KCNIP4: variants seen among roughly 807,000 people sequenced by gnomAD.
KCNIP4 encodes the protein Kv channel-interacting protein 4.
In KCNIP4, 12 loss-of-function variants were observed where a neutral mutation model predicts 34.0. The observed-to-expected ratio is 0.35, with a 90% CI of 0.23 to 0.57. KCNIP4 has a LOEUF of 0.57. Among genes scored for constraint, KCNIP4 ranks in the 20% least tolerant of loss-of-function variants. KCNIP4 has a pLI of 0.83. For synonymous variants in KCNIP4, 124 were observed against 102.2 expected (o/e 1.21, Z -1.29); for missense variants, 238 against 311.7 (o/e 0.76, Z 1.78).
At chr4:20,831,928 T>C (rs1718477329) in intron 3 of KCNIP4, among the ~76,000 whole-genome samples, 1 of 152,228 alleles carries the variant, frequency 6.6e-6, no homozygotes, top group Non-Finnish European at 1.5e-5. Flanking sequence ...CATCCCACTT[T>C]CAACCACTGT....
intron 1 of KCNIP4, among the ~76,000 whole-genome samples, chr4:20,902,312 T>G (rs765096761): frequency 1.3e-5 from 2 of 152,086 alleles, no homozygotes; most frequent in Non-Finnish European, 2.9e-5. Flanking sequence ...GAGTGATCTG[T>G]GCAGGGATGC....
intron 1 of KCNIP4, among the ~76,000 whole-genome samples, chr4:21,781,157 T>A (rs1400021867): frequency 6.6e-6 from 1 of 152,088 alleles, no homozygotes; most frequent in African/African-American, 2.4e-5. Context: ...GTGGGGGTGG[T>A]TTCCCCCATG....
intron 3 of KCNIP4, among the ~76,000 whole-genome samples, chr4:20,787,004 AGTT>A (rs774367494): frequency 8.5e-5 from 13 of 152,146 alleles, no homozygotes; most frequent in Non-Finnish European, 1.6e-4. Context: ...TATCTATGTA[AGTT>A]GTTTTTGAGG....
intron 1 of KCNIP4, among the ~76,000 whole-genome samples, chr4:21,865,099 T>G (rs1725337723): frequency 6.6e-6 from 1 of 152,114 alleles, no homozygotes; most frequent in Non-Finnish European, 1.5e-5. Context: ...TTCTGCTGTT[T>G]CATACTTGAA....
chr4:20,980,147 G>A (rs1256292903), intron 1 of KCNIP4, among the ~76,000 whole-genome samples: 3 of 152,174 alleles, frequency 2.0e-5, no homozygotes, highest in African/African-American at 7.2e-5. Flanking sequence ...CTGGGCCTAT[G>A]CCCAGCATTA....
intron 2 of KCNIP4, among the ~76,000 whole-genome samples, chr4:20,853,687 G>C (rs1380180052): frequency 2.0e-5 from 3 of 151,882 alleles, no homozygotes; most frequent in Non-Finnish European, 4.4e-5. Context: ...ATGGCAAAAG[G>C]AACAGTCAGC....
At chr4:21,649,009 C>T (rs1398665386) in intron 1 of KCNIP4, among the ~76,000 whole-genome samples, 3 of 152,102 alleles carry the variant, frequency 2.0e-5, no homozygotes, top group Non-Finnish European at 4.4e-5. Context: ...AATGACTTAA[C>T]ATTCTCAATC....
chr4:21,489,377 A>G (rs1732183245), intron 1 of KCNIP4, among the ~76,000 whole-genome samples: 1 of 151,890 alleles, frequency 6.6e-6, no homozygotes, highest in African/African-American at 2.4e-5. Flanking sequence ...CCAATTGAAT[A>G]GGAAGTAGGG....
chr4:21,772,139 T>C (rs1299635354), intron 1 of KCNIP4, among the ~76,000 whole-genome samples: 1 of 152,170 alleles, frequency 6.6e-6, no homozygotes, highest in African/African-American at 2.4e-5. Context: ...CGAAGGGATG[T>C]TGAATTTTAT....
At chr4:20,785,612 G>A (rs998194471) in intron 3 of KCNIP4, among the ~76,000 whole-genome samples, 1 of 151,984 alleles carries the variant, frequency 6.6e-6, no homozygotes, top group East Asian at 1.9e-4. Context: ...AGAGCACAAT[G>A]GGGATAATAC....
intron 1 of KCNIP4, among the ~76,000 whole-genome samples, chr4:21,686,293 G>A (rs572458202): frequency 2.6e-5 from 4 of 152,176 alleles, no homozygotes; most frequent in Non-Finnish European, 5.9e-5. Flanking sequence ...CTTAAAGCCT[G>A]GTAATACTTT....
intron 1 of KCNIP4, among the ~76,000 whole-genome samples, chr4:21,391,647 A>G (rs894741648): frequency 5.3e-5 from 8 of 152,052 alleles, no homozygotes; most frequent in Admixed American, 5.2e-4. Context: ...AACCCTGTAC[A>G]TCACTCAGCT....
intron 1 of KCNIP4, among the ~76,000 whole-genome samples, chr4:21,841,561 G>C (rs1271891771): frequency 6.6e-6 from 1 of 152,000 alleles, no homozygotes; most frequent in African/African-American, 2.4e-5. Context: ...AGTGATCACT[G>C]GCATCTGGCT....
At chr4:21,519,026 A>G (rs1388206342) in intron 1 of KCNIP4, among the ~76,000 whole-genome samples, 1 of 152,092 alleles carries the variant, frequency 6.6e-6, no homozygotes, top group African/African-American at 2.4e-5. Context: ...AGCAAACCGA[A>G]GAAAATGGGG....
At chr4:21,525,274 C>T (rs1314831466) in intron 1 of KCNIP4, among the ~76,000 whole-genome samples, 1 of 152,076 alleles carries the variant, frequency 6.6e-6, no homozygotes, top group Non-Finnish European at 1.5e-5. Context: ...TGGAAAACTT[C>T]TAGGAGGCAA....
chr4:21,697,512 G>T, intron 1 of KCNIP4: 2 of 1,485,132 alleles, frequency 1.3e-6, no homozygotes, highest in Non-Finnish European at 1.8e-6. Flanking sequence ...AATAAAAAGA[G>T]AGTCTCTGAG....
At chr4:21,580,991 G>T (rs1206972295) in intron 1 of KCNIP4, among the ~76,000 whole-genome samples, 1 of 152,010 alleles carries the variant, frequency 6.6e-6, no homozygotes, top group Non-Finnish European at 1.5e-5. Context: ...CTCAACTTAA[G>T]CTAAACTTAT....
chr4:20,913,851 G>T (rs569183843), intron 1 of KCNIP4, among the ~76,000 whole-genome samples: 1 of 152,178 alleles, frequency 6.6e-6, no homozygotes, highest in Admixed American at 6.5e-5. Context: ...GTATTGCAAA[G>T]CACTTGAAAC....
intron 1 of KCNIP4, among the ~76,000 whole-genome samples, chr4:21,453,728 A>G (rs1411053559): frequency 6.6e-6 from 1 of 152,116 alleles, no homozygotes; most frequent in East Asian, 1.9e-4. Context: ...GCTGCCTTAT[A>G]GTGTTTGATT....
Sources: gnomAD v4.1 joint callset for allele counts (sites outside exome capture counted in the v4.1 genomes callset) on GRCh38, gnomAD v4.1.1 for gene constraint, MANE v1.5 for transcripts, NCBI Gene and HGNC (gene_info 2026-07-23, HGNC 2026-07-21) for gene names.